Variants in SMARCA2 observed in about 807,000 individuals in gnomAD.
The protein encoded by SMARCA2 is SWI/SNF related BAF chromatin remodeling complex subunit ATPase 2.
In SMARCA2, 61 loss-of-function variants were observed where a neutral mutation model predicts 199.8. That is an observed-to-expected ratio of 0.31 (90% CI 0.25 to 0.38). SMARCA2 has a LOEUF of 0.38. Ranked by LOEUF, SMARCA2 falls within the 10% of genes least tolerant of loss-of-function variation. The pLI is 1.00. For synonymous variants in SMARCA2, 935 were observed against 732.0 expected, an observed-to-expected ratio of 1.28 and a Z score of -4.48; for missense variants, 1,344 against 2,012.2, an observed-to-expected ratio of 0.67 and a Z score of 6.35.
At chr9:2,113,836 G>C (rs992083531) in intron 24 of SMARCA2, among the ~76,000 whole-genome samples, 2 of 152,172 alleles carry the variant, frequency 1.3e-5, no homozygotes, top group African/African-American at 4.8e-5. Flanking sequence ...TTGGACAAGG[G>C]TCAGCAATCT....
chr9:2,137,354 T>C (rs1824245577), intron 27 of SMARCA2, among the ~76,000 whole-genome samples: 1 of 152,166 alleles, frequency 6.6e-6, no homozygotes, highest in Non-Finnish European at 1.5e-5. Context: ...TAAGTGTTAT[T>C]AAATCTAAAC....
chr9:2,163,164 A>G (rs1647875023), intron 28 of SMARCA2, among the ~76,000 whole-genome samples: 2 of 152,364 alleles, frequency 1.3e-5, no homozygotes, highest in South Asian at 4.1e-4. Flanking sequence ...CTTATCTGCA[A>G]GGAGTTTTCA....
intron 19 of SMARCA2, among the ~76,000 whole-genome samples, chr9:2,094,558 C>G (rs930728829): frequency 6.6e-6 from 1 of 152,218 alleles, no homozygotes; most frequent in East Asian, 1.9e-4. Flanking sequence ...GAAGGTGAAC[C>G]TCAGGCAGAG....
In SMARCA2 at chr9:2,060,836, T is replaced by C; in HGVS notation, c.1542T>C (p.Tyr514=). Residue 514 remains tyrosine, a synonymous_variant, in exon 9 of 34, where the codon TAT becomes TAC. Coordinates refer to ENST00000349721, the MANE Select transcript of SMARCA2 (RefSeq NM_003070.5). ...AATAGGCTGAAGATGAGGAGGGTTA[T>C]AGAAAACTGATTGATCAAAAGAAAG... ...RRLMAEDEEG[Y]RKLIDQKKDR... The C allele has an allele frequency of 4.3e-6, 7 of 1,614,006 alleles. No homozygotes were observed. The highest frequency in any genetic ancestry group is 5.9e-6 in the Non-Finnish European group (7 of 1,179,894).
chr9:2,035,803 G>A (rs1819304188), intron 3 of SMARCA2, among the ~76,000 whole-genome samples: 1 of 152,198 alleles, frequency 6.6e-6, no homozygotes, highest in South Asian at 2.1e-4. Flanking sequence ...ATAGTGAAGT[G>A]CATTGTAGGC....
At chr9:2,080,441 T>C (rs949756809) in intron 14 of SMARCA2, among the ~76,000 whole-genome samples, 2 of 152,160 alleles carry the variant, frequency 1.3e-5, no homozygotes, top group South Asian at 4.2e-4. Flanking sequence ...CAATTTTCTC[T>C]AAAAAAAGCA....
rs1348910175 is a variant in SMARCA2, at chr9:2,016,376, G to C, written c.-37+972G>C. The C allele has an allele frequency of 1.3e-5, 2 of 152,302 alleles. No individual in the cohort carries two copies. The highest frequency in any genetic ancestry group is 3.9e-4 in the East Asian group (2 of 5,168). 9.4% of individuals were successfully genotyped at this position (152,302 alleles called of 1,614,324 possible). Reference sequence around the variant, plus strand: ...AGGGAAGGGAGGAGGCCCCCAAGGAGGTCGGAGGTGCCCGCCAGCCTCCGT... The same window carrying C: ...AGGGAAGGGAGGAGGCCCCCAAGGACGTCGGAGGTGCCCGCCAGCCTCCGT... On this transcript the variant is annotated intron_variant, in intron 1 of 33. Coordinates refer to ENST00000349721, the MANE Select transcript of SMARCA2 (RefSeq NM_003070.5). This position sits in a 1 kb window ranked among gnomAD's most constrained non-coding sequence, Gnocchi z 5.6.
At chr9:2,019,072 T>G (rs1227713646) in intron 1 of SMARCA2, among the ~76,000 whole-genome samples, 2 of 152,046 alleles carry the variant, frequency 1.3e-5, no homozygotes, top group Non-Finnish European at 2.9e-5. Flanking sequence ...AAATGTTTGC[T>G]ATTGTAAAGA....
Position 2,192,782 on chromosome 9 carries a change from C to T in SMARCA2, c.*43C>T. ...CCTTGGTAGAACTGAATTCCTTCCTCCCCTGTCTCATTTCTACCCAGTGAG... is the reference window on the plus strand; with the variant it reads ...CCTTGGTAGAACTGAATTCCTTCCTTCCCTGTCTCATTTCTACCCAGTGAG... On this transcript the variant is annotated 3_prime_UTR_variant, in exon 34 of 34. Coordinates refer to ENST00000349721, the MANE Select transcript of SMARCA2 (RefSeq NM_003070.5). 2 of 1,450,724 alleles carry T rather than the reference C, an allele frequency of 1.4e-6. No homozygotes were observed. Among genetic ancestry groups the T allele is most frequent in the Non-Finnish European group, 1.9e-6 (2 of 1,031,876 alleles). The allele number at this position is 1,450,724 out of a possible 1,614,324, so 89.9% of individuals were successfully genotyped here.
chr9:2,047,266 G>C lies in SMARCA2; in HGVS notation c.828G>C (p.Gln276His). 1 of 1,007,638 alleles carries C rather than the reference G, an allele frequency of 9.9e-7. No individual in the cohort carries two copies. The highest frequency in any genetic ancestry group is 1.2e-6 in the Non-Finnish European group (1 of 845,200). The allele number at this position is 1,007,638 out of a possible 1,614,324, so 62.4% of individuals were successfully genotyped here. A position where few individuals can be genotyped will look rare whatever the true frequency, so the allele number is the denominator to read the frequency against. Residue 276 changes from glutamine to histidine, a missense_variant, in exon 5 of 34, where the codon CAG (glutamine) becomes CAC (histidine). By Grantham distance (24) the Gln-to-His change is conservative (BLOSUM62 0). Coordinates refer to ENST00000349721, the MANE Select transcript of SMARCA2 (RefSeq NM_003070.5). Reference protein sequence around the residue: ...GPELSGPSTPQKLPVPAPGGR... With the variant: ...GPELSGPSTPHKLPVPAPGGR... ...AGCTGAGCGGCCCGAGCACCCCGCAGAAGCTGCCGGTGCCCGCGCCCGGCG... is the reference window on the plus strand; with the variant it reads ...AGCTGAGCGGCCCGAGCACCCCGCACAAGCTGCCGGTGCCCGCGCCCGGCG...
At position 2,123,965 on chromosome 9, in the gene SMARCA2, C is replaced by T. The variant is rs374164961; in HGVS notation, c.3981+28C>T. On this transcript the variant is annotated intron_variant, in intron 27 of 33. Transcript: ENST00000349721. This position sits in a 1 kb window ranked among gnomAD's most constrained non-coding sequence, Gnocchi z 4.1. ...AAGCCTAGCTTTTCTAACCCGCTCT[C>T]ACTAGGTGGAGGGTTTTTGGTGGCT... 8 of 1,532,584 alleles carry T rather than the reference C, an allele frequency of 5.2e-6. No homozygotes were observed. The African/African-American group carries it at 9.6e-5, about 18-fold the overall frequency. The allele number at this position is 1,532,584 out of a possible 1,614,324, so 94.9% of individuals were successfully genotyped here.
At chr9:2,153,810 C>CTGTGTG (rs148574286) in intron 27 of SMARCA2, among the ~76,000 whole-genome samples, 6 of 150,440 alleles carry the variant, frequency 4.0e-5, no homozygotes, top group Non-Finnish European at 8.9e-5. Flanking sequence ...CTATGCAAAG[C>CTGTGTG]TGTGTGTGTG....
chr9:2,072,489 A>G (rs1284839592), intron 10 of SMARCA2, among the ~76,000 whole-genome samples: 1 of 152,206 alleles, frequency 6.6e-6, no homozygotes, highest in East Asian at 1.9e-4. Context: ...AAAGATACCA[A>G]TAGTTGGGTT....
At chr9:2,167,674 C>A (rs1016065826) in intron 28 of SMARCA2, among the ~76,000 whole-genome samples, 3 of 152,238 alleles carry the variant, frequency 2.0e-5, no homozygotes, top group Admixed American at 6.5e-5. Flanking sequence ...CTTGTGGTAT[C>A]TCTGGGAATT....
chr9:2,061,629 A>G (rs899784266), intron 9 of SMARCA2, among the ~76,000 whole-genome samples: 2 of 152,224 alleles, frequency 1.3e-5, no homozygotes, highest in Admixed American at 6.5e-5. Flanking sequence ...AGGCCTGTGA[A>G]TATGATCCTC....
rs1347695309 is a variant in SMARCA2 at position 2,115,565 on chromosome 9, A to T, written c.3457-257A>T. 1.3e-5 allele frequency among the ~76,000 whole-genome samples: 2 copies of T among 152,232 alleles called. No individual in the cohort carries two copies. Among genetic ancestry groups the T allele is most frequent in the African/African-American group, 4.8e-5 (2 of 41,452 alleles). ...TGATGGGGAACCTAGAGACAGATAA[A>T]AACAATATGATACCTGGATTTCAAA... On this transcript the variant is annotated intron_variant, in intron 24 of 33. Coordinates refer to ENST00000349721, the MANE Select transcript of SMARCA2 (RefSeq NM_003070.5). The surrounding 1 kb of genome is among the most constrained non-coding windows in gnomAD (Gnocchi z 6.0).
In SMARCA2 at chr9:2,073,231, A is replaced by G. The variant is rs1821167702; in HGVS notation, c.1766A>G (p.Gln589Arg). The change falls in exon 11 of 34, where the codon CAG becomes CGG. Residue 589 changes from glutamine (Q) to arginine (R), a missense_variant. Gln to Arg is a conservative substitution (Grantham distance 43). Coordinates refer to ENST00000349721, the MANE Select transcript of SMARCA2 (RefSeq NM_003070.5). ...PDGEPIDESSQMSDLPVKVTH... is the reference protein window; with the variant it reads ...PDGEPIDESSRMSDLPVKVTH... ...TTGTAGCCCATAGATGAGAGCAGCC[A>G]GATGAGTGACCTCCCTGTCAAAGTG... 1 of 1,614,104 alleles carries G rather than the reference A, an allele frequency of 6.2e-7. No homozygotes were observed.
At chr9:2,165,959 T>G (rs916805148) in intron 28 of SMARCA2, among the ~76,000 whole-genome samples, 11 of 152,196 alleles carry the variant, frequency 7.2e-5, no homozygotes, top group Admixed American at 2.0e-4. Context: ...ATGTGGACAC[T>G]GCAGTGTGAG....
intron 27 of SMARCA2, among the ~76,000 whole-genome samples, chr9:2,129,479 C>T (rs1321789947): frequency 6.6e-6 from 1 of 152,188 alleles, no homozygotes; most frequent in Non-Finnish European, 1.5e-5. Context: ...GAAACCTGGG[C>T]TCCTCTGCCT....
Sources: allele counts gnomAD v4.1 joint callset (sites outside exome capture counted in the v4.1 genomes callset), GRCh38; gene constraint gnomAD v4.1.1; non-coding constraint Gnocchi (gnomAD v3.1); transcripts MANE v1.5; gene names NCBI Gene and HGNC (gene_info 2026-07-23, HGNC 2026-07-21).